Variants in CSMD1 observed in about 807,000 individuals in gnomAD.
CSMD1 encodes the protein CUB and sushi domain-containing protein 1.
CSMD1 carries 213 observed loss-of-function variants against 417.5 expected under a neutral mutation model. The ratio of observed to expected loss-of-function variants is 0.51; its 90% CI spans 0.46 to 0.57. The LOEUF (loss-of-function observed/expected upper bound fraction) is 0.57, where lower values mean the gene tolerates loss of function less well. Among genes scored for constraint, CSMD1 ranks in the 20% least tolerant of loss-of-function variants. The pLI is 0.00. For synonymous variants in CSMD1, 2,862 were observed against 1,736.8 expected, an observed-to-expected ratio of 1.65 and a Z score of -16.11; for missense variants, 6,923 against 4,529.7, an observed-to-expected ratio of 1.53 and a Z score of -15.17.
intron 3 of CSMD1, among the ~76,000 whole-genome samples, chr8:4,152,673 G>C (rs142678346): frequency 4.0e-5 from 6 of 151,894 alleles, no homozygotes; most frequent in African/African-American, 1.2e-4. Flanking sequence ...CCAAGCAACA[G>C]AGCGAGACCT....
intron 5 of CSMD1, among the ~76,000 whole-genome samples, chr8:3,980,537 C>CAT (rs1554505714): frequency 6.6e-6 from 1 of 151,852 alleles, no homozygotes; most frequent in African/African-American, 2.4e-5. Context: ...TTAGATTTGT[C>CAT]GTCTCTCTTT....
chr8:3,120,061 C>T (rs1817108123), intron 41 of CSMD1, among the ~76,000 whole-genome samples: 1 of 152,132 alleles, frequency 6.6e-6, no homozygotes, highest in African/African-American at 2.4e-5. Flanking sequence ...AGTTTGGAAA[C>T]TTGTAAACAA....
In CSMD1 at chr8:4,920,861, G is replaced by C. The variant is rs1055716695; in HGVS notation, c.85+73471C>G. Among the ~76,000 whole-genome samples, 3 of 2,538 alleles carry C rather than the reference G, an allele frequency of 1.2e-3. 1 individual carries two copies. The highest frequency in any genetic ancestry group is 2.1e-3 in the African/African-American group (3 of 1,424). The allele number at this position is 2,538 out of a possible 152,430, so 1.7% of individuals were successfully genotyped here. On this transcript the variant is annotated intron_variant, in intron 1 of 69. Coordinates refer to ENST00000635120, the MANE Select transcript of CSMD1 (RefSeq NM_033225.6). Reference sequence around the variant, plus strand: ...GAGAACGAAAGAAAAGAAAAGAAAAGAAAAGAAAAGAAAAGAAAAGAAAAG... The same window carrying C: ...GAGAACGAAAGAAAAGAAAAGAAAACAAAAGAAAAGAAAAGAAAAGAAAAG...
At chr8:4,655,916 C>T (rs1804200562) in intron 1 of CSMD1, among the ~76,000 whole-genome samples, 1 of 152,120 alleles carries the variant, frequency 6.6e-6, no homozygotes, top group Admixed American at 6.5e-5. Flanking sequence ...TGTGTGGACA[C>T]TGTGTTAGGC....
At chr8:3,316,440 A>C (rs1024824469) in intron 23 of CSMD1, among the ~76,000 whole-genome samples, 1 of 152,218 alleles carries the variant, frequency 6.6e-6, no homozygotes, top group East Asian at 1.9e-4. Context: ...AAATACTTAT[A>C]AAACAACACG....
chr8:3,010,746 C>CT (rs34404492), intron 52 of CSMD1, among the ~76,000 whole-genome samples: 2,614 of 143,174 alleles, frequency 0.018, 61 homozygotes, highest in African/African-American at 0.057. Flanking sequence ...CTATTCCCAA[C>CT]TTTTTTTTTT....
intron 12 of CSMD1, among the ~76,000 whole-genome samples, chr8:3,424,291 T>C (rs1813682104): frequency 6.6e-6 from 1 of 152,200 alleles, no homozygotes; most frequent in South Asian, 2.1e-4. Context: ...AGGTATTGCC[T>C]AGTTTAGTCT....
intron 7 of CSMD1, among the ~76,000 whole-genome samples, chr8:3,633,365 A>G (rs1409318370): frequency 1.3e-5 from 2 of 152,220 alleles, no homozygotes; most frequent in South Asian, 2.1e-4. Context: ...TGGTCCTGCC[A>G]TATTTTCTTG....
chr8:3,794,579 GGTTT>G (rs1799936593), intron 5 of CSMD1, among the ~76,000 whole-genome samples: 1 of 150,862 alleles, frequency 6.6e-6, no homozygotes, highest in Admixed American at 6.7e-5. Flanking sequence ...GTAACCCATT[GGTTT>G]ATTTTTCCAT....
intron 3 of CSMD1, among the ~76,000 whole-genome samples, chr8:4,263,451 G>C (rs1284178265): frequency 6.6e-6 from 1 of 152,116 alleles, no homozygotes; most frequent in Non-Finnish European, 1.5e-5. Flanking sequence ...TTTTAGATTT[G>C]TGACATAGTT....
At chr8:4,355,451 A>G (rs938471402) in intron 3 of CSMD1, among the ~76,000 whole-genome samples, 5 of 152,134 alleles carry the variant, frequency 3.3e-5, no homozygotes, top group African/African-American at 9.7e-5. Context: ...GCATGTAGGA[A>G]AGCATAAATA....
At chr8:3,229,333 A>C (rs1798693582) in intron 27 of CSMD1, among the ~76,000 whole-genome samples, 1 of 152,222 alleles carries the variant, frequency 6.6e-6, no homozygotes, top group South Asian at 2.1e-4. Context: ...TAAGACTTAG[A>C]TGATATACTC....
At chr8:3,139,872 GT>G (rs1054439865) in intron 41 of CSMD1, among the ~76,000 whole-genome samples, 9 of 149,380 alleles carry the variant, frequency 6.0e-5, no homozygotes, top group Admixed American at 1.3e-4. Context: ...ATAGATTACC[GT>G]TTTTTTTCTT....
At position 4,751,193 on chromosome 8, in the gene CSMD1, T is replaced by A. The variant is rs140059829; in HGVS notation, c.86-113635A>T. ...TGAGGTAAGGAATTCCAGACCAGCC[T>A]GGCCAACATGGCGAAGACCCATCTC... On this transcript the variant is annotated intron_variant, in intron 1 of 69. Coordinates refer to ENST00000635120, the MANE Select transcript of CSMD1 (RefSeq NM_033225.6). Among the ~76,000 whole-genome samples the A allele has an allele frequency of 1.4e-3, 220 of 152,294 alleles. 1 individual carries two copies. Among genetic ancestry groups the A allele is most frequent in the Non-Finnish European group, 2.1e-3 (141 of 68,028 alleles).
Position 4,036,360 on chromosome 8 carries a change from C to T in CSMD1, c.416-4261G>A, listed in dbSNP as rs138595870. On this transcript the variant is annotated intron_variant, in intron 3 of 69. Transcript: ENST00000635120. ...AAGAGGGACCCCTCCAAAATTGTTA[C>T]CATGGTACTGCGCAATGGTATTTTC... Among the ~76,000 whole-genome samples the T allele has an allele frequency of 9.0e-3, 1,372 of 152,200 alleles. 17 individuals carry two copies. The highest frequency in any genetic ancestry group is 0.02 in the Middle Eastern group (6 of 294).
intron 3 of CSMD1, among the ~76,000 whole-genome samples, chr8:4,111,145 C>G (rs916705381): frequency 2.6e-5 from 4 of 152,136 alleles, no homozygotes; most frequent in Non-Finnish European, 4.4e-5. Flanking sequence ...TTCGTACACT[C>G]TAATGATTTC....
chr8:4,393,817 A>T (rs966555190), intron 3 of CSMD1, among the ~76,000 whole-genome samples: 1 of 152,186 alleles, frequency 6.6e-6, no homozygotes, highest in African/African-American at 2.4e-5. Flanking sequence ...ATATTTTCCT[A>T]TGTTTCTGTA....
intron 2 of CSMD1, among the ~76,000 whole-genome samples, chr8:4,570,255 G>GT (rs1340015627): frequency 7.2e-5 from 11 of 152,150 alleles, no homozygotes; most frequent in Non-Finnish European, 1.5e-4. Flanking sequence ...TGACCATTCT[G>GT]TATGACATTG....
At chr8:4,549,352 T>C (rs761022957) in intron 2 of CSMD1, among the ~76,000 whole-genome samples, 32 of 152,064 alleles carry the variant, frequency 2.1e-4, no homozygotes, top group Middle Eastern at 3.2e-3. Flanking sequence ...GAAAAATGAC[T>C]CTCTAATAAT....
Sources: allele counts gnomAD v4.1 joint callset (sites outside exome capture counted in the v4.1 genomes callset), GRCh38; gene constraint gnomAD v4.1.1; transcripts MANE v1.5; gene names NCBI Gene and HGNC (gene_info 2026-07-23, HGNC 2026-07-21).